The following AOPEP variants were observed in gnomAD, a reference collection of about 807,000 sequenced individuals.
AOPEP encodes aminopeptidase O (putative), also known as aminopeptidase O.
A neutral mutation model predicts 98.1 loss-of-function variants in AOPEP; 77 were observed. The observed-to-expected ratio is 0.78, with a 90% CI of 0.65 to 0.95. The LOEUF (loss-of-function observed/expected upper bound fraction) is 0.95. Ranked by LOEUF, AOPEP falls within the 40% of genes least tolerant of loss-of-function variation. The pLI is 0.00. For missense variants in AOPEP, 1,024 were observed against 1,024.7 expected (o/e 1.00, Z 0.01); for synonymous variants, 346 against 365.3 (o/e 0.95, Z 0.60).
At chr9:94,793,789 T>C (rs1846300388) in intron 4 of AOPEP, among the ~76,000 whole-genome samples, 1 of 152,104 alleles carries the variant, frequency 6.6e-6, no homozygotes, top group Admixed American at 6.5e-5. Flanking sequence ...TCATGTGAAG[T>C]CTGCTGAAAT....
chr9:94,886,756 T>C (rs2048288733), intron 5 of AOPEP, among the ~76,000 whole-genome samples: 1 of 152,202 alleles, frequency 6.6e-6, no homozygotes, highest in Non-Finnish European at 1.5e-5. Flanking sequence ...ATTAAGCTCA[T>C]AAGTCTAAAA....
intron 14 of AOPEP, among the ~76,000 whole-genome samples, chr9:95,070,809 T>A (rs564799546): frequency 6.6e-6 from 1 of 152,366 alleles, no homozygotes; most frequent in South Asian, 2.1e-4. Context: ...ATCTCTGGGC[T>A]GCAGAGGTGA....
intron 14 of AOPEP, among the ~76,000 whole-genome samples, chr9:95,077,063 G>A (rs980245066): frequency 3.3e-5 from 5 of 152,154 alleles, no homozygotes; most frequent in Admixed American, 1.3e-4. Context: ...GAGGAGAGGG[G>A]GAGGGGACAC....
chr9:95,060,979 T>G (rs2067270144), intron 14 of AOPEP, 169 bp downstream of exon 14: 1 of 564,602 alleles, frequency 1.8e-6, no homozygotes, highest in Admixed American at 3.1e-5. Flanking sequence ...ATGCTTATGC[T>G]TCTAATCAGA....
At chr9:94,789,396 G>A (rs907712778) in intron 3 of AOPEP, among the ~76,000 whole-genome samples, 3 of 152,130 alleles carry the variant, frequency 2.0e-5, no homozygotes, top group African/African-American at 7.2e-5. Flanking sequence ...ACTCTAAAAT[G>A]TACTTCAGAG....
At chr9:95,107,255 G>A in the AOPEP span, 21 of 1,613,828 alleles carry the variant, frequency 1.3e-5, no homozygotes, top group Admixed American at 5.0e-5. Flanking sequence ...GGCCCAGCAC[G>A]GCCTTCACCT....
chr9:94,932,837 A>G, intron 7 of AOPEP: 1 of 985,304 alleles, frequency 1.0e-6, no homozygotes, highest in Non-Finnish European at 1.2e-6. Flanking sequence ...GATGTGTCTG[A>G]GATTGACTTC....
chr9:94,963,487 AAT>A (rs1195413376), intron 9 of AOPEP, among the ~76,000 whole-genome samples: 2 of 152,222 alleles, frequency 1.3e-5, no homozygotes, highest in Non-Finnish European at 2.9e-5. Flanking sequence ...ATGAAAAAAA[AAT>A]TCTAAAGGAA....
chr9:94,779,116 C>T (rs552835332), intron 3 of AOPEP, among the ~76,000 whole-genome samples: 3 of 152,222 alleles, frequency 2.0e-5, no homozygotes, highest in East Asian at 1.9e-4. Context: ...GGCAGATACA[C>T]GCAGCTTCTT....
At chr9:94,811,798 T>C (rs1850661258) in intron 5 of AOPEP, among the ~76,000 whole-genome samples, 1 of 152,206 alleles carries the variant, frequency 6.6e-6, no homozygotes, top group African/African-American at 2.4e-5. Context: ...GGAGAACTTC[T>C]TAGGATTATT....
chr9:95,146,164 A>G, the AOPEP span, among the ~76,000 whole-genome samples: 1 of 152,146 alleles, frequency 6.6e-6, no homozygotes, highest in African/African-American at 2.4e-5. Context: ...ATATGTAACA[A>G]TTCTCCAATT....
At chr9:94,803,699 A>G (rs1310660211) in intron 5 of AOPEP, among the ~76,000 whole-genome samples, 1 of 152,204 alleles carries the variant, frequency 6.6e-6, no homozygotes, top group Non-Finnish European at 1.5e-5. Context: ...ACTGCTCTTC[A>G]TGATTTTTGT....
At chr9:95,111,255 C>G in the AOPEP span, 6 of 1,542,592 alleles carry the variant, frequency 3.9e-6, no homozygotes, top group African/African-American at 1.4e-5. Context: ...GGCAGCGTCT[C>G]GTCTCTGGCC....
At chr9:94,778,565 A>G (rs1374484215) in intron 3 of AOPEP, among the ~76,000 whole-genome samples, 1 of 152,200 alleles carries the variant, frequency 6.6e-6, no homozygotes, top group Non-Finnish European at 1.5e-5. Context: ...GAAGAAGTCA[A>G]ACCAGTCTGT....
the AOPEP span, chr9:95,099,120 TA>T: frequency 4.8e-6 from 1 of 208,074 alleles, no homozygotes; most frequent in Non-Finnish European, 9.8e-6. Context: ...TTTAAAGAGC[TA>T]AAAAATTCCA....
At chr9:94,983,610 G>A (rs898454241) in intron 11 of AOPEP, among the ~76,000 whole-genome samples, 1 of 151,926 alleles carries the variant, frequency 6.6e-6, no homozygotes, top group Non-Finnish European at 1.5e-5. Context: ...AAACTCCTTG[G>A]CCTGCTATTT....
intron 14 of AOPEP, 76 bp from the exon 15 acceptor site, chr9:95,080,618 G>A: frequency 1.0e-6 from 1 of 956,694 alleles, no homozygotes; most frequent in South Asian, 1.3e-5. Flanking sequence ...GAATACAGAG[G>A]CTGCCTGTCA....
chr9:94,892,183 T>G (rs1163158185), intron 5 of AOPEP, among the ~76,000 whole-genome samples: 1 of 152,198 alleles, frequency 6.6e-6, no homozygotes, highest in African/African-American at 2.4e-5. Context: ...TTTATCCTAT[T>G]TGGGACTTAC....
chr9:94,854,021 A>G (rs755245649), intron 5 of AOPEP, among the ~76,000 whole-genome samples: 2 of 152,208 alleles, frequency 1.3e-5, no homozygotes, highest in Non-Finnish European at 2.9e-5. Flanking sequence ...ATGAAAACCC[A>G]CATCGTAAGA....
Sources: gnomAD v4.1 joint callset for allele counts (sites outside exome capture counted in the v4.1 genomes callset) on GRCh38, gnomAD v4.1.1 for gene constraint, MANE v1.5 for transcripts, NCBI Gene and HGNC (gene_info 2026-07-23, HGNC 2026-07-21) for gene names.